Variants in PATJ observed in about 807,000 individuals in gnomAD.
PATJ encodes the protein PATJ crumbs cell polarity complex component, also known as inaD-like protein.
In PATJ, 190 loss-of-function variants were observed where a neutral mutation model predicts 224.9. That is an observed-to-expected ratio of 0.84 (90% CI 0.75 to 0.95). The LOEUF (loss-of-function observed/expected upper bound fraction) is 0.95, where lower values mean the gene tolerates loss of function less well. Ranked by LOEUF, PATJ falls within the 40% of genes least tolerant of loss-of-function variation. PATJ has a pLI of 0.00. For synonymous variants in PATJ, 769 were observed against 820.3 expected, an observed-to-expected ratio of 0.94 and a Z score of 1.07; for missense variants, 2,121 against 2,270.3, an observed-to-expected ratio of 0.93 and a Z score of 1.34.
At chr1:62,116,444 T>G in intron 35 of PATJ, 88 bp from the exon 36 acceptor site, 1 of 1,436,698 alleles carries the variant, frequency 7.0e-7, no homozygotes, top group Non-Finnish European at 9.5e-7. Context: ...AAGGAGCATA[T>G]ATGTGTGTGC....
At chr1:62,126,681 CTTTGT>C (rs760810925) in intron 39 of PATJ, among the ~76,000 whole-genome samples, 40 of 152,188 alleles carry the variant, frequency 2.6e-4, no homozygotes, top group Non-Finnish European at 4.4e-5. Flanking sequence ...CTCTCAGATC[CTTTGT>C]TTTAACGCAG....
At chr1:61,951,208 T>C (rs931709961) in intron 27 of PATJ, among the ~76,000 whole-genome samples, 3 of 152,112 alleles carry the variant, frequency 2.0e-5, no homozygotes, top group African/African-American at 7.2e-5. Flanking sequence ...AAAAGTTATT[T>C]AGTAGAATTT....
At chr1:61,991,196 TG>T (rs1569748464) in intron 28 of PATJ, among the ~76,000 whole-genome samples, 2 of 108,114 alleles carry the variant, frequency 1.8e-5, no homozygotes, top group African/African-American at 5.6e-5. Flanking sequence ...ATGATGATGA[TG>T]ATGATGATGA....
chr1:61,886,060 G>A (rs190743957), intron 22 of PATJ, among the ~76,000 whole-genome samples: 2 of 152,088 alleles, frequency 1.3e-5, no homozygotes, highest in African/African-American at 4.8e-5. Flanking sequence ...ATAGCATTAG[G>A]AGATATACCT....
At chr1:62,037,891 A>G in intron 29 of PATJ, 86 bp from the exon 30 acceptor site, 2 of 640,646 alleles carry the variant, frequency 3.1e-6, no homozygotes, top group Non-Finnish European at 5.4e-6. Context: ...TGCATTTTCA[A>G]CTGAGAACTG....
intron 1 of PATJ, among the ~76,000 whole-genome samples, chr1:61,759,838 A>G (rs796408433): frequency 1.3e-5 from 2 of 152,358 alleles, no homozygotes; most frequent in African/African-American, 4.8e-5. Flanking sequence ...TAAAAATTGT[A>G]CACTCTTAGG....
Position 61,765,066 on chromosome 1 carries a change from A to ATTTTTTTTTTTTTTTTTTTTTTT in PATJ, c.190-1202_190-1180dup, listed in dbSNP as rs71582647. ...TTTCTTTGAGGTTTTATTGACATTC[A>ATTTTTTTTTTTTTTTTTTTTTTT]TTTTTTTTTTTTTTTTTTTTTTTTT... On this transcript the variant is annotated intron_variant, in intron 3 of 43. Coordinates refer to ENST00000642238, the MANE Select transcript of PATJ (RefSeq NM_001350145.3). Among the ~76,000 whole-genome samples the ATTTTTTTTTTTTTTTTTTTTTTT allele has an allele frequency of 2.5e-4, 6 of 24,010 alleles. 3 individuals carry two copies. Among genetic ancestry groups the ATTTTTTTTTTTTTTTTTTTTTTT allele is most frequent in the Non-Finnish European group, 3.0e-4 (4 of 13,504 alleles). The allele number at this position is 24,010 out of a possible 152,430, so 15.8% of individuals were successfully genotyped here. A position where few individuals can be genotyped will look rare whatever the true frequency, so the allele number is the denominator to read the frequency against.
At chr1:61,932,694 G>A (rs1676214171) in intron 27 of PATJ, among the ~76,000 whole-genome samples, 1 of 152,206 alleles carries the variant, frequency 6.6e-6, no homozygotes, top group Non-Finnish European at 1.5e-5. Flanking sequence ...GAGGTCAGGA[G>A]TTCAAGACCA....
chr1:62,126,832 G>A (rs543391592), intron 39 of PATJ, among the ~76,000 whole-genome samples: 28 of 150,152 alleles, frequency 1.9e-4, no homozygotes, highest in African/African-American at 6.5e-4. Context: ...GCTGCATAGG[G>A]TGTTGTGTGT....
intron 30 of PATJ, among the ~76,000 whole-genome samples, chr1:62,042,409 A>G (rs971191607): frequency 2.0e-5 from 3 of 151,940 alleles, no homozygotes; most frequent in African/African-American, 7.3e-5. Flanking sequence ...GCCTATGTGG[A>G]CCCTCTTAGT....
chr1:61,877,296 G>T (rs997785935), intron 21 of PATJ, among the ~76,000 whole-genome samples: 1 of 149,260 alleles, frequency 6.7e-6, no homozygotes. Context: ...ATAGTAACCC[G>T]ATCTCTTCTC....
At position 62,020,023 on chromosome 1, in the gene PATJ, G is replaced by A. The variant is rs141581520; in HGVS notation, c.3959+2076G>A. On this transcript the variant is annotated intron_variant, in intron 29 of 43. Transcript: ENST00000642238. ...ATCTGTGCAAAAGAAAAAAAAATTA[G>A]CCAGGCGTGGTGGCATGTGCCCTGT... Among the ~76,000 whole-genome samples, 197 of 152,142 alleles carry A rather than the reference G, an allele frequency of 1.3e-3. 1 individual carries two copies. The highest frequency in any genetic ancestry group is 4.5e-3 in the African/African-American group (188 of 41,520).
chr1:62,032,011 A>G (rs1169568571), intron 29 of PATJ, among the ~76,000 whole-genome samples: 1 of 152,158 alleles, frequency 6.6e-6, no homozygotes, highest in Non-Finnish European at 1.5e-5. Flanking sequence ...ACAAATTACC[A>G]AAATTGAACG....
chr1:61,822,929 T>C lies in PATJ; in HGVS notation c.1684-16T>C, dbSNP rs377186650. On this transcript the variant is annotated splice_polypyrimidine_tract_variant and intron_variant, in intron 14 of 43. Coordinates refer to ENST00000642238, the MANE Select transcript of PATJ (RefSeq NM_001350145.3). ...GTCATTGTCATGTTTGATCATTGCT[T>C]TGTGTTTTGCTACAGCTGCTGCCTA... 1.2e-6 allele frequency: 2 copies of C among 1,613,898 alleles called. No homozygotes were observed. The highest frequency in any genetic ancestry group is 1.7e-6 in the Non-Finnish European group (2 of 1,179,884).
intron 7 of PATJ, 92 bp downstream of exon 7, chr1:61,775,426 T>A: frequency 9.3e-7 from 1 of 1,077,474 alleles, no homozygotes; most frequent in Non-Finnish European, 1.4e-6. Flanking sequence ...TACCAGGATA[T>A]ATGACTTAAT....
chr1:61,937,264 G>A (rs1462323174), intron 27 of PATJ, among the ~76,000 whole-genome samples: 2 of 152,042 alleles, frequency 1.3e-5, no homozygotes, highest in East Asian at 1.9e-4. Flanking sequence ...AGACAGTTTC[G>A]TTCTGTCACC....
At chr1:62,103,974 T>G (rs778317874) in intron 33 of PATJ, among the ~76,000 whole-genome samples, 4 of 152,134 alleles carry the variant, frequency 2.6e-5, no homozygotes, top group Non-Finnish European at 5.9e-5. Flanking sequence ...CCTTTGCCTC[T>G]ATAGCCTGTC....
intron 31 of PATJ, among the ~76,000 whole-genome samples, chr1:62,058,331 A>G (rs1201753387): frequency 2.6e-5 from 4 of 152,246 alleles, no homozygotes; most frequent in Non-Finnish European, 5.9e-5. Context: ...CCAACATTTT[A>G]GAAGCATTCT....
intron 38 of PATJ, among the ~76,000 whole-genome samples, chr1:62,121,656 C>T (rs1339225927): frequency 6.6e-6 from 1 of 152,046 alleles, no homozygotes; most frequent in Admixed American, 6.5e-5. Flanking sequence ...GTAGTCCCAG[C>T]TACTCAGGAG....
Sources: allele counts gnomAD v4.1 joint callset (sites outside exome capture counted in the v4.1 genomes callset), GRCh38; gene constraint gnomAD v4.1.1; transcripts MANE v1.5; gene names NCBI Gene and HGNC (gene_info 2026-07-23, HGNC 2026-07-21).